The following CELF2 variants were observed in gnomAD, a reference collection of about 807,000 sequenced individuals.
The protein encoded by CELF2 is CUGBP Elav-like family member 2, also known as CUG triplet repeat RNA-binding protein 2.
A neutral mutation model predicts 62.6 loss-of-function variants in CELF2; 8 were observed. The ratio of observed to expected loss-of-function variants is 0.13; its 90% CI spans 0.07 to 0.23. The LOEUF (loss-of-function observed/expected upper bound fraction) is 0.23. CELF2 is among the 10% of genes least tolerant of loss of function. CELF2 has a pLI of 1.00. For missense variants in CELF2, 333 were observed against 671.0 expected (o/e 0.50, Z 5.56); for synonymous variants, 258 against 250.0 (o/e 1.03, Z -0.30).
At chr10:10,813,783 G>A (rs2056168560) in intron 1 of CELF2, among the ~76,000 whole-genome samples, 1 of 152,212 alleles carries the variant, frequency 6.6e-6, no homozygotes, top group African/African-American at 2.4e-5. Flanking sequence ...GTGTTGGGCT[G>A]GATTTGGGCC....
At position 10,809,111 on chromosome 10, in the gene CELF2, C is replaced by T. The variant is rs189245822; in HGVS notation, c.53+10294C>T. Among the ~76,000 whole-genome samples the T allele has an allele frequency of 5.3e-4, 81 of 152,228 alleles. 1 individual carries two copies. Among genetic ancestry groups the T allele is most frequent in the African/African-American group, 1.9e-3 (77 of 41,538 alleles). The stretch of plus-strand genomic sequence containing the variant: ...GTTTATGGAAGTGAAACCAACATGA[C>T]GGGATTAGTATCCTTAAAAAGAAGA... On this transcript the variant is annotated intron_variant, in intron 1 of 13. Coordinates refer to the CELF2 transcript ENST00000636488.
chr10:10,691,397 A>G, the CELF2 span, among the ~76,000 whole-genome samples: 1 of 146,276 alleles, frequency 6.8e-6, no homozygotes, highest in Non-Finnish European at 1.5e-5. Context: ...TTCTTAATCC[A>G]GTCTATCATT....
intron 2 of CELF2, among the ~76,000 whole-genome samples, chr10:10,974,130 A>G (rs2051072188): frequency 6.6e-6 from 1 of 152,210 alleles, no homozygotes; most frequent in African/African-American, 2.4e-5. Context: ...CTGAGTATAG[A>G]AATATCTACC....
At chr10:10,564,687 C>CAA in the CELF2 span, among the ~76,000 whole-genome samples, 2 of 117,474 alleles carry the variant, frequency 1.7e-5, no homozygotes, top group Non-Finnish European at 3.6e-5. Context: ...CACACGCACA[C>CAA]ACACACACAC....
chr10:10,839,962 C>T (rs1485103556), intron 1 of CELF2, among the ~76,000 whole-genome samples: 1 of 152,240 alleles, frequency 6.6e-6, no homozygotes, highest in African/African-American at 2.4e-5. Flanking sequence ...TGTGGAATCA[C>T]ATAGTATGTA....
At chr10:11,087,252 T>C (rs981393797) in intron 1 of CELF2, among the ~76,000 whole-genome samples, 1 of 152,140 alleles carries the variant, frequency 6.6e-6, no homozygotes, top group Non-Finnish European at 1.5e-5. Flanking sequence ...GAATGAACAA[T>C]GTAAAAAGAT....
chr10:10,911,146 T>G (rs11256898), intron 1 of CELF2, among the ~76,000 whole-genome samples: 13,373 of 152,168 alleles, frequency 0.088, 1,249 homozygotes, highest in African/African-American at 0.24. Context: ...AAAGCAAACA[T>G]AAGCCCTTCC....
the CELF2 span, among the ~76,000 whole-genome samples, chr10:10,765,633 T>G: frequency 6.6e-6 from 1 of 152,090 alleles, no homozygotes; most frequent in Non-Finnish European, 1.5e-5. Flanking sequence ...GAGAAAGCCT[T>G]AAGTTAAAAG....
chr10:11,273,370 A>G (rs1382839422), intron 7 of CELF2, among the ~76,000 whole-genome samples: 1 of 152,156 alleles, frequency 6.6e-6, no homozygotes, highest in African/African-American at 2.4e-5. Flanking sequence ...ACCTGGTCTA[A>G]ACTGCACATG....
chr10:11,154,118 G>C (rs1481357122), intron 1 of CELF2, among the ~76,000 whole-genome samples: 1 of 152,182 alleles, frequency 6.6e-6, no homozygotes, highest in Non-Finnish European at 1.5e-5. Context: ...GGGGAGTTTT[G>C]ATGTAATGAT....
chr10:10,661,570 A>G, the CELF2 span, among the ~76,000 whole-genome samples: 1 of 152,244 alleles, frequency 6.6e-6, no homozygotes, highest in South Asian at 2.1e-4. Context: ...CAAATGTTGT[A>G]AACACCTATC....
At chr10:10,773,476 T>C in the CELF2 span, among the ~76,000 whole-genome samples, 1 of 152,346 alleles carries the variant, frequency 6.6e-6, no homozygotes. Context: ...ATACATATAT[T>C]GGCACTGTCC....
At chr10:10,751,496 G>A in the CELF2 span, among the ~76,000 whole-genome samples, 1 of 152,204 alleles carries the variant, frequency 6.6e-6, no homozygotes, top group Non-Finnish European at 1.5e-5. Context: ...TGTTATACAT[G>A]CCAGCCATGT....
Position 11,269,907 on chromosome 10 carries a change from A to G in CELF2, c.619-759A>G, listed in dbSNP as rs762767159. Among the ~76,000 whole-genome samples the G allele has an allele frequency of 2.6e-5, 4 of 152,230 alleles. No individual in the cohort carries two copies. Among genetic ancestry groups the G allele is most frequent in the Non-Finnish European group, 4.4e-5 (3 of 68,046 alleles). ...TAGAATGGTGAGATTCATTAGGGAA[A>G]GAAGCCAAGTGGACTCCTCCGTCTG... On this transcript the variant is annotated intron_variant, in intron 6 of 12. Transcript: ENST00000633077. The surrounding 1 kb of genome is among the most constrained non-coding windows in gnomAD (Gnocchi z 4.4).
At chr10:10,591,707 A>G in the CELF2 span, among the ~76,000 whole-genome samples, 1 of 152,206 alleles carries the variant, frequency 6.6e-6, no homozygotes, top group Non-Finnish European at 1.5e-5. Context: ...GATTAGAACA[A>G]AGATTTTCCA....
chr10:11,009,134 G>A (rs2055928409), intron 1 of CELF2, among the ~76,000 whole-genome samples: 1 of 152,010 alleles, frequency 6.6e-6, no homozygotes, highest in Non-Finnish European at 1.5e-5. Context: ...GCAGTGGTGT[G>A]GAGAGGATTA....
chr10:11,240,983 G>A (rs2136901070), intron 3 of CELF2, among the ~76,000 whole-genome samples: 1 of 152,146 alleles, frequency 6.6e-6, no homozygotes, highest in East Asian at 1.9e-4. Context: ...GTCTGACTCG[G>A]CCAAGTTATT....
chr10:11,275,591 T>G (rs1323709726), intron 8 of CELF2, among the ~76,000 whole-genome samples: 1 of 152,218 alleles, frequency 6.6e-6, no homozygotes, highest in African/African-American at 2.4e-5. Context: ...TGCAGCCCCT[T>G]GATAACGACA....
intron 2 of CELF2, among the ~76,000 whole-genome samples, chr10:10,980,070 T>C (rs2051888579): frequency 6.6e-6 from 1 of 152,168 alleles, no homozygotes; most frequent in African/African-American, 2.4e-5. Context: ...TCAGACTTCA[T>C]TTTTTCCCTA....
Sources: gnomAD v4.1 joint callset for allele counts (sites outside exome capture counted in the v4.1 genomes callset) on GRCh38, gnomAD v4.1.1 for gene constraint, Gnocchi (gnomAD v3.1) non-coding constraint, MANE v1.5 for transcripts, NCBI Gene and HGNC (gene_info 2026-07-23, HGNC 2026-07-21) for gene names.